Variants in DIDO1 observed in about 807,000 individuals in gnomAD.
The protein encoded by DIDO1 is death inducer-obliterator 1.
DIDO1 carries 16 observed loss-of-function variants against 99.4 expected under a neutral mutation model. The observed-to-expected ratio is 0.16, with a 90% confidence interval of 0.11 to 0.24. The LOEUF (loss-of-function observed/expected upper bound fraction) is 0.24. Among genes scored for constraint, DIDO1 ranks in the 10% least tolerant of loss-of-function variants. The pLI, the probability that DIDO1 is intolerant of heterozygous loss-of-function variation, is 1.00. For synonymous variants in DIDO1, 1,366 were observed against 1,239.1 expected (o/e 1.10, Z -2.15); for missense variants, 2,996 against 3,014.0 (o/e 0.99, Z 0.14).
At chr20:62,903,776 TG>T (rs1330566974) in intron 6 of DIDO1, among the ~76,000 whole-genome samples, 1 of 152,194 alleles carries the variant, frequency 6.6e-6, no homozygotes, top group Non-Finnish European at 1.5e-5. Context: ...GGTGATGTGT[TG>T]GGAAGGTTAA....
rs191571678 is a variant in DIDO1 at position 62,925,268 on chromosome 20, C to A, written c.-200+1171G>T. Among the ~76,000 whole-genome samples the A allele has an allele frequency of 5.3e-5, 8 of 152,278 alleles. No homozygotes were observed. In the East Asian group the frequency reaches 1.5e-3, roughly 29 times the overall value. On this transcript the variant is annotated intron_variant, in intron 1 of 15. Transcript: ENST00000395343. ...GGGGCCACCTTGGTCACTGCTGTAT[C>A]CCTCGTGCTAACAGTAAGCAATGAA...
At position 62,893,825 on chromosome 20, in the gene DIDO1, G is replaced by T. The variant is rs2064453347; in HGVS notation, c.2942C>A (p.Ser981Tyr). ...GGTGCTGTCTGGGCGGGATGCTGCG[G>T]AGGCCACGGCTGTGCATGAACTGCT... ...APSSSCTAVA[S>Y]AASRPDSTHM... is the part of the protein sequence containing the mutation. Residue 981 changes from serine (S) to tyrosine (Y), a missense_variant, in exon 12 of 16, where the codon TCC (serine) becomes TAC (tyrosine). Ser to Tyr is a moderately radical substitution (Grantham distance 144, BLOSUM62 -2). This residue lies in a region of DIDO1 where 898 missense variants were observed against 972.7 expected (regional missense o/e 0.92). Transcript: ENST00000395343. The T allele has an allele frequency of 4.3e-6, 7 of 1,614,004 alleles. No homozygotes were observed. Among genetic ancestry groups the T allele is most frequent in the Non-Finnish European group, 5.9e-6 (7 of 1,180,052 alleles).
intron 4 of DIDO1, among the ~76,000 whole-genome samples, chr20:62,908,312 G>A (rs368923902): frequency 1.4e-4 from 21 of 152,266 alleles, no homozygotes; most frequent in East Asian, 5.8e-4. Flanking sequence ...AACAGCGTGA[G>A]GGCTTCTGGA....
chr20:62,909,776 C>T lies in DIDO1; in HGVS notation c.1084G>A (p.Glu362Lys), dbSNP rs1372122584. Residue 362 changes from glutamate to lysine, a missense_variant, in exon 4 of 16, where the codon GAA becomes AAA. Coordinates refer to ENST00000395343, the MANE Select transcript of DIDO1 (RefSeq NM_001193369.2). ...SIGTIEQKSS[E>K]DQGIKGRIEK... ...ATTCTACCCTTTATCCCTTGGTCTT[C>T]GCTAGACTTCTGCTCTATTGTTCCT... 1.9e-6 allele frequency: 3 copies of T among 1,614,258 alleles called. No individual in the cohort carries two copies. Among genetic ancestry groups the T allele is most frequent in the Non-Finnish European group, 2.5e-6 (3 of 1,180,044 alleles).
chr20:62,882,083 T>G lies in DIDO1; in HGVS notation c.3873A>C (p.Thr1291=). The G allele has an allele frequency of 6.2e-7, 1 of 1,600,988 alleles. No individual in the cohort carries two copies. Among genetic ancestry groups the G allele is most frequent in the Non-Finnish European group, 8.5e-7 (1 of 1,171,598 alleles). Residue 1291 remains threonine, a synonymous_variant, in exon 16 of 16, where the codon ACA becomes ACC. Coordinates refer to ENST00000395343, the MANE Select transcript of DIDO1 (RefSeq NM_001193369.2). ...PAAPSPATAA[T]TAAAASTAAS... Reference sequence around the variant, plus strand: ...CTGCCGTGGAGGCTGCCGCTGCTGTTGTGGCTGCTGTGGCTGGGCTGGGGG... The same window carrying G: ...CTGCCGTGGAGGCTGCCGCTGCTGTGGTGGCTGCTGTGGCTGGGCTGGGGG...
chr20:62,882,450 T>C, intron 15 of DIDO1, 36 bp from the exon 16 acceptor site: 1 of 1,573,426 alleles, frequency 6.4e-7, no homozygotes, highest in South Asian at 1.2e-5. Flanking sequence ...TTTTAGAATC[T>C]AAATCCAGCT....
At chr20:62,935,320 G>A (rs916042430) in intron 1 of DIDO1, among the ~76,000 whole-genome samples, 1 of 151,712 alleles carries the variant, frequency 6.6e-6, no homozygotes, top group East Asian at 1.9e-4. Flanking sequence ...TTATTCCTTC[G>A]TCACTCAACA....
chr20:62,906,621 AACCGGGGC>A (rs2064810999), intron 5 of DIDO1, among the ~76,000 whole-genome samples: 1 of 152,216 alleles, frequency 6.6e-6, no homozygotes, highest in African/African-American at 2.4e-5. Flanking sequence ...TCACAAACAT[AACCGGGGC>A]AGTGACACAG....
At position 62,880,739 on chromosome 20, in the gene DIDO1, T is replaced by C; in HGVS notation, c.5217A>G (p.Pro1739=). Residue 1739 remains proline (P), a synonymous_variant, in exon 16 of 16, where the codon CCA becomes CCG. Transcript: ENST00000395343. The stretch of plus-strand genomic sequence containing the variant: ...GCTGAGAGCCCCCCACTTTCTGTCC[T>C]GGTGGGGGGAGCGGGGCGGTGCCCT... ...PGEGTAPLPP[P]GQKVGGSQPP... 6.2e-7 allele frequency: 1 copy of C among 1,612,704 alleles called. No homozygotes were observed. The highest frequency in any genetic ancestry group is 8.5e-7 in the Non-Finnish European group (1 of 1,179,868).
chr20:62,892,995 G>A, intron 12 of DIDO1, 33 bp from the exon 13 acceptor site: 1 of 1,584,974 alleles, frequency 6.3e-7, no homozygotes, highest in Non-Finnish European at 8.6e-7. Flanking sequence ...AAAAGTCAAT[G>A]TCTCTCTGTG....
At chr20:62,935,805 G>C (rs1214753596) in intron 1 of DIDO1, among the ~76,000 whole-genome samples, 1 of 152,252 alleles carries the variant, frequency 6.6e-6, no homozygotes, top group Non-Finnish European at 1.5e-5. Flanking sequence ...TGCTATGTGA[G>C]AGGTAGTGAC....
chr20:62,881,196 T>TGGGC lies in DIDO1; in HGVS notation c.4756_4759dup (p.Gln1587ArgfsTer94). On this transcript the variant is annotated frameshift_variant, in exon 16 of 16. Transcript: ENST00000395343. LOFTEE classifies it low-confidence loss of function (END_TRUNC). This position sits in a 1 kb window ranked among gnomAD's most constrained non-coding sequence, Gnocchi z 8.3. ...AGCATCTCTCTCGGGCAGGGCACCCTGGGCACCACGTGCCGAGAGCCTGGA... is the reference window on the plus strand; with the variant it reads ...AGCATCTCTCTCGGGCAGGGCACCCTGGGCGGGCACCACGTGCCGAGAGCCTGGA... 1 of 1,607,270 alleles carries TGGGC rather than the reference T, an allele frequency of 6.2e-7. No individual in the cohort carries two copies. Among genetic ancestry groups the TGGGC allele is most frequent in the African/African-American group, 1.3e-5 (1 of 75,008 alleles).
At chr20:62,907,790 G>A (rs1045775968) in intron 4 of DIDO1, among the ~76,000 whole-genome samples, 3 of 152,204 alleles carry the variant, frequency 2.0e-5, no homozygotes, top group Admixed American at 1.3e-4. Flanking sequence ...AAAGGAACTG[G>A]GTCTTTCATG....
At chr20:62,895,226 C>T in intron 8 of DIDO1, 61 bp from the exon 9 acceptor site, 1 of 1,488,436 alleles carries the variant, frequency 6.7e-7, no homozygotes, top group Non-Finnish European at 9.3e-7. Flanking sequence ...ATACAGAGAG[C>T]TTCTGGAAAA....
At chr20:62,906,588 C>G (rs909751046) in intron 5 of DIDO1, among the ~76,000 whole-genome samples, 1 of 152,250 alleles carries the variant, frequency 6.6e-6, no homozygotes, top group Non-Finnish European at 1.5e-5. Flanking sequence ...ACTCCCTGAA[C>G]AGTGCTAGTT....
chr20:62,922,059 T>C (rs1029724204), intron 1 of DIDO1, among the ~76,000 whole-genome samples: 81 of 145,504 alleles, frequency 5.6e-4, no homozygotes, highest in African/African-American at 1.5e-3. Flanking sequence ...AATATATATA[T>C]ACACACACTA....
At position 62,881,227 on chromosome 20, in the gene DIDO1, G is replaced by A. The variant is rs779657809; in HGVS notation, c.4729C>T (p.Pro1577Ser). ...ATETGEGEGE[P>S]LSRLSARGAQ... ...CCACGTGCCGAGAGCCTGGAGAGAG[G>A]CTCCCCCTCCCCCTCACCGGTCTCA... Residue 1577 changes from proline to serine, a missense_variant, in exon 16 of 16, where the codon CCT (proline) becomes TCT (serine). Pro to Ser is a moderately conservative substitution (Grantham distance 74). This residue lies in a region of DIDO1 where 1,562 missense variants were observed against 1,412.6 expected (regional missense o/e 1.11). Transcript: ENST00000395343. The surrounding 1 kb of genome is among the most constrained non-coding windows in gnomAD (Gnocchi z 8.3). The A allele has an allele frequency of 6.9e-6, 11 of 1,603,566 alleles. No homozygotes were observed. In the East Asian group the frequency reaches 1.1e-4, roughly 16 times the overall value.
In DIDO1 at chr20:62,880,446, A is replaced by G. The variant is rs147241583; in HGVS notation, c.5510T>C (p.Val1837Ala). Residue 1837 changes from valine (V) to alanine (A), a missense_variant, in exon 16 of 16, where the codon GTG becomes GCG. This residue lies in a region of DIDO1 where 1,562 missense variants were observed against 1,412.6 expected (regional missense o/e 1.11). Transcript: ENST00000395343. Reference protein sequence around the residue: ...SPSYLGGPRGVAPSQFEERKD... With the variant: ...SPSYLGGPRGAAPSQFEERKD... ...GCGTTCTTCAAATTGGGATGGTGCC[A>G]CTCCTCGTGGTCCACCAAGGTAAGA... is the stretch of plus-strand genomic sequence containing the variant. The G allele has an allele frequency of 2.3e-4, 366 of 1,612,496 alleles. 1 individual carries two copies. The African/African-American group carries it at 4.4e-3, about 20-fold the overall frequency.
upstream of DIDO1, among the ~76,000 whole-genome samples, chr20:62,928,411 A>C (rs935140195): frequency 6.6e-6 from 1 of 152,036 alleles, no homozygotes; most frequent in Non-Finnish European, 1.5e-5. Flanking sequence ...TCTCGTTCTC[A>C]TCTCCCCCGC....
Sources: allele counts gnomAD v4.1 joint callset (sites outside exome capture counted in the v4.1 genomes callset), GRCh38; gene constraint gnomAD v4.1.1; regional missense constraint gnomAD v4.1.1; non-coding constraint Gnocchi (gnomAD v3.1); transcripts MANE v1.5; gene names NCBI Gene and HGNC (gene_info 2026-07-23, HGNC 2026-07-21).